COL8A1: variants seen among roughly 807,000 people sequenced by gnomAD.
COL8A1 encodes collagen type VIII alpha 1 chain.
COL8A1 carries 21 observed loss-of-function variants against 42.7 expected under a neutral mutation model. The observed-to-expected ratio is 0.49, with a 90% CI of 0.35 to 0.71. The LOEUF (loss-of-function observed/expected upper bound fraction) is 0.71. Among genes scored for constraint, COL8A1 ranks in the 30% least tolerant of loss-of-function variants. The pLI, the probability that COL8A1 is intolerant of heterozygous loss-of-function variation, is 0.01. For synonymous variants in COL8A1, 367 were observed against 369.1 expected (o/e 0.99, Z 0.06); for missense variants, 788 against 962.4 (o/e 0.82, Z 2.40).
rs189370475 is a variant in COL8A1 at position 99,724,982 on chromosome 3, T to G, written c.-128-19915T>G. Among the ~76,000 whole-genome samples the G allele has an allele frequency of 1.7e-3, 258 of 152,164 alleles. 2 individuals carry two copies. Among genetic ancestry groups the G allele is most frequent in the Middle Eastern group, 0.01 (3 of 294 alleles). On this transcript the variant is annotated intron_variant, in intron 1 of 3. Transcript: ENST00000652472. ...TTACGTGATCTTAAATATAATAAGA[T>G]TGCTTTATTTTGGATTGTGGTAAGG...
At chr3:99,657,128 G>C (rs1269680353) in intron 1 of COL8A1, among the ~76,000 whole-genome samples, 1 of 152,126 alleles carries the variant, frequency 6.6e-6, no homozygotes, top group East Asian at 1.9e-4. Context: ...ATCCTTTTAT[G>C]GGAGGAAAAG....
chr3:99,796,204 C>T lies in COL8A1; in HGVS notation c.*68C>T. The T allele has an allele frequency of 7.9e-7, 1 of 1,261,672 alleles. No individual in the cohort carries two copies. Among genetic ancestry groups the T allele is most frequent in the East Asian group, 2.5e-5 (1 of 39,454 alleles). 78.2% of individuals were successfully genotyped at this position (1,261,672 alleles called of 1,614,324 possible). A position where few individuals can be genotyped will look rare whatever the true frequency, so the allele number is the denominator to read the frequency against. On this transcript the variant is annotated 3_prime_UTR_variant, in exon 4 of 4. Transcript: ENST00000652472. Reference sequence around the variant, plus strand: ...GAAGAAAATGACACACCAAAAAATCCAAATGAAAAACATAATTGCTTCAAA... The same window carrying T: ...GAAGAAAATGACACACCAAAAAATCTAAATGAAAAACATAATTGCTTCAAA...
intron 1 of COL8A1, among the ~76,000 whole-genome samples, chr3:99,721,427 G>A (rs1940151028): frequency 1.9e-5 from 2 of 104,228 alleles, no homozygotes; most frequent in Non-Finnish European, 4.0e-5. Context: ...GAAAGGGAAA[G>A]GGAAAGGGGA....
At chr3:99,670,475 A>G (rs1034094993) in intron 1 of COL8A1, among the ~76,000 whole-genome samples, 33 of 152,012 alleles carry the variant, frequency 2.2e-4, no homozygotes, top group Non-Finnish European at 4.4e-5. Context: ...TTTTCTTATT[A>G]TTAATATTAG....
At position 99,687,636 on chromosome 3, in the gene COL8A1, G is replaced by A. The variant is rs73150269; in HGVS notation, c.-129+48972G>A. Among the ~76,000 whole-genome samples the A allele has an allele frequency of 3.2e-3, 485 of 152,314 alleles. 2 individuals carry two copies. The highest frequency in any genetic ancestry group is 5.1e-3 in the Non-Finnish European group (347 of 68,032). On this transcript the variant is annotated intron_variant, in intron 1 of 3. Coordinates refer to ENST00000652472, the MANE Select transcript of COL8A1 (RefSeq NM_020351.4). Reference sequence around the variant, plus strand: ...TAATATCATCCAATTGCTTGCACACGTAGCTGATACAGACCAGGGAAAACT... The same window carrying A: ...TAATATCATCCAATTGCTTGCACACATAGCTGATACAGACCAGGGAAAACT...
chr3:99,729,551 A>G (rs2107381663), intron 1 of COL8A1, among the ~76,000 whole-genome samples: 1 of 152,140 alleles, frequency 6.6e-6, no homozygotes, highest in East Asian at 1.9e-4. Flanking sequence ...TAGACACTCG[A>G]TGGTGCCTTA....
chr3:99,791,249 A>G (rs1941994520), intron 3 of COL8A1, among the ~76,000 whole-genome samples: 1 of 152,242 alleles, frequency 6.6e-6, no homozygotes, highest in Non-Finnish European at 1.5e-5. Flanking sequence ...AATAAAATAT[A>G]TTAAATCACA....
intron 1 of COL8A1, among the ~76,000 whole-genome samples, chr3:99,683,484 TG>T (rs1243779139): frequency 3.3e-5 from 5 of 152,230 alleles, no homozygotes; most frequent in African/African-American, 1.2e-4. Flanking sequence ...AATAAGTTTT[TG>T]TTTCATTTAG....
chr3:99,719,881 A>G (rs1362593952), intron 1 of COL8A1, among the ~76,000 whole-genome samples: 1 of 152,118 alleles, frequency 6.6e-6, no homozygotes, highest in Non-Finnish European at 1.5e-5. Context: ...AGTGAGTGAC[A>G]TGGGCTTCGG....
intron 1 of COL8A1, among the ~76,000 whole-genome samples, chr3:99,664,705 A>T (rs1319137858): frequency 3.3e-5 from 5 of 152,164 alleles, no homozygotes; most frequent in Non-Finnish European, 7.4e-5. Flanking sequence ...GGGAGAGAAG[A>T]AAGGGACTAG....
chr3:99,650,139 T>C (rs953583433), intron 1 of COL8A1, among the ~76,000 whole-genome samples: 68 of 152,188 alleles, frequency 4.5e-4, no homozygotes, highest in Non-Finnish European at 1.6e-4. Context: ...AACATTCCTT[T>C]TTCCTTTCTC....
chr3:99,740,828 A>G (rs1186919734), intron 1 of COL8A1, among the ~76,000 whole-genome samples: 1 of 152,238 alleles, frequency 6.6e-6, no homozygotes, highest in Non-Finnish European at 1.5e-5. Flanking sequence ...AAAAATACTG[A>G]AAATTCCATT....
At chr3:99,689,194 T>C (rs1055281723) in intron 1 of COL8A1, among the ~76,000 whole-genome samples, 2 of 152,254 alleles carry the variant, frequency 1.3e-5, no homozygotes, top group East Asian at 3.8e-4. Flanking sequence ...ATTTTATTTG[T>C]CCAAGGAAGT....
chr3:99,728,625 T>C (rs1940407751), intron 1 of COL8A1, among the ~76,000 whole-genome samples: 1 of 152,024 alleles, frequency 6.6e-6, no homozygotes, highest in Admixed American at 6.6e-5. Context: ...GAATTTCTTT[T>C]TTAAACTTGC....
chr3:99,669,146 T>TATATATATATATATATATATAGAGAGAG, intron 1 of COL8A1, among the ~76,000 whole-genome samples: 12 of 115,388 alleles, frequency 1.0e-4, no homozygotes, highest in African/African-American at 2.1e-4. Flanking sequence ...TATATATATA[T>TATATATATATATATATATATAGAGAGAG]AGAGGGAGAG....
chr3:99,790,246 G>A (rs1178076392), intron 2 of COL8A1, among the ~76,000 whole-genome samples: 2 of 152,222 alleles, frequency 1.3e-5, no homozygotes, highest in East Asian at 3.8e-4. Context: ...GAAGGAAGGA[G>A]GAAGGGGAAG....
intron 1 of COL8A1, among the ~76,000 whole-genome samples, chr3:99,672,582 C>A (rs1453231073): frequency 6.6e-6 from 1 of 150,684 alleles, no homozygotes; most frequent in Non-Finnish European, 1.5e-5. Context: ...TTTAGTGTGC[C>A]CTTGTTTTCT....
At chr3:99,709,029 A>AC (rs980405467) in intron 1 of COL8A1, among the ~76,000 whole-genome samples, 4 of 80,608 alleles carry the variant, frequency 5.0e-5, no homozygotes, top group African/African-American at 1.8e-4. Flanking sequence ...TAACACCCCC[A>AC]CCCCCGCCCC....
chr3:99,639,887 G>T (rs988121014), intron 1 of COL8A1, among the ~76,000 whole-genome samples: 2 of 152,168 alleles, frequency 1.3e-5, no homozygotes, highest in Admixed American at 1.3e-4. Context: ...AGTAAGAAGA[G>T]AAATGTTTCA....
Sources: allele counts gnomAD v4.1 joint callset (sites outside exome capture counted in the v4.1 genomes callset), GRCh38; gene constraint gnomAD v4.1.1; transcripts MANE v1.5; gene names NCBI Gene and HGNC (gene_info 2026-07-23, HGNC 2026-07-21).